Variants in CHRAC1 observed in about 807,000 individuals in gnomAD.
CHRAC1 encodes the protein chromatin accessibility complex subunit 1.
A neutral mutation model predicts 9.1 loss-of-function variants in CHRAC1; 6 were observed. The observed-to-expected ratio is 0.66, with a 90% confidence interval of 0.36 to 1.29. CHRAC1 has a LOEUF of 1.29. Among genes scored for constraint, CHRAC1 ranks in the 50% most tolerant of loss-of-function variants. CHRAC1 has a pLI of 0.03. For synonymous variants in CHRAC1, 73 were observed against 64.5 expected (o/e 1.13, Z -0.63); for missense variants, 168 against 163.5 (o/e 1.03, Z -0.15).
chr8:140,515,059 GA>G (rs985427683), intron 2 of CHRAC1, 66 bp from the exon 3 acceptor site: 31 of 1,486,952 alleles, frequency 2.1e-5, no homozygotes, highest in Non-Finnish European at 2.6e-5. Context: ...AGTACATTTT[GA>G]AATGTGCATT....
At position 140,515,144 on chromosome 8, in the gene CHRAC1, T is replaced by C; in HGVS notation, c.293T>C (p.Ile98Thr). 1 of 1,611,768 alleles carries C rather than the reference T, an allele frequency of 6.2e-7. No homozygotes were observed. The highest frequency in any genetic ancestry group is 2.2e-5 in the East Asian group (1 of 44,862). ...TTTTAAGATATATTACCAAAGAAGA[T>C]TTTAGCTAGTAAATACCTGAAAATG... ...QFLADILPKK[I>T]LASKYLKMLK... The change falls in exon 3 of 3, where the codon ATT becomes ACT. Residue 98 changes from isoleucine to threonine, a missense_variant. Coordinates refer to ENST00000220913, the MANE Select transcript of CHRAC1 (RefSeq NM_017444.6).
chr8:140,511,678 CT>C, intron 1 of CHRAC1, 32 bp downstream of exon 1: 1 of 1,315,746 alleles, frequency 7.6e-7, no homozygotes, highest in Non-Finnish European at 9.7e-7. Flanking sequence ...GTGGGCCGCC[CT>C]TACCCCTCGC....
intron 1 of CHRAC1, chr8:140,512,144 T>C (rs914087906): frequency 4.9e-6 from 3 of 613,750 alleles, no homozygotes; most frequent in Non-Finnish European, 7.4e-6. Context: ...CTAGTGGCGC[T>C]CTTCTCATTT....
intron 1 of CHRAC1, among the ~76,000 whole-genome samples, chr8:140,513,635 C>T (rs1476359814): frequency 2.7e-5 from 4 of 150,836 alleles, no homozygotes; most frequent in Non-Finnish European, 5.9e-5. Flanking sequence ...TTAGTAGAGA[C>T]GGGGTTTCAC....
rs367701294 is a variant in CHRAC1 at position 140,511,508 on chromosome 8, C to T, written c.9C>T (p.Asp3=). 1.1e-4 allele frequency: 154 copies of T among 1,339,918 alleles called. No homozygotes were observed. The highest frequency in any genetic ancestry group is 1.4e-4 in the Non-Finnish European group (141 of 1,035,524). The allele number at this position is 1,339,918 out of a possible 1,614,324, so 83.0% of individuals were successfully genotyped here. The change falls in exon 1 of 3, where the codon GAC becomes GAT. Residue 3 remains aspartate (D), a synonymous_variant. Transcript: ENST00000220913. ...GCGCGACGGGCGGGAAGATGGCGGA[C>T]GTGGTCGTGGGTAAAGACAAGGGCG... MA[D]VVVGKDKGGE...
intron 1 of CHRAC1, 89 bp from the exon 2 acceptor site, chr8:140,514,280 T>A: frequency 7.4e-7 from 1 of 1,355,766 alleles, no homozygotes; most frequent in Non-Finnish European, 1.0e-6. Flanking sequence ...TAAGCCTAAT[T>A]AAGGAATCAA....
At chr8:140,514,763 C>T (rs1273783810) in intron 2 of CHRAC1, 1 of 368,450 alleles carries the variant, frequency 2.7e-6, no homozygotes, top group African/African-American at 2.1e-5. Context: ...CCTTTACTCT[C>T]TACAGGGACC....
rs1405586999 is a variant in CHRAC1, at chr8:140,516,367, C to T, written c.*1120C>T. 6.6e-6 allele frequency: 1 copy of T among 152,184 alleles called. No homozygotes were observed. Among genetic ancestry groups the T allele is most frequent in the African/African-American group, 2.4e-5 (1 of 41,446 alleles). 9.4% of individuals were successfully genotyped at this position (152,184 alleles called of 1,614,324 possible). ...TTCACCATGTTGGCCAGGCTTGTCT[C>T]AAACTCCTAACCTCAACTGATCCAC... On this transcript the variant is annotated 3_prime_UTR_variant, in exon 3 of 3. Transcript: ENST00000220913.
intron 1 of CHRAC1, among the ~76,000 whole-genome samples, chr8:140,513,557 T>C (rs2072303376): frequency 1.3e-5 from 2 of 151,770 alleles, no homozygotes; most frequent in South Asian, 4.2e-4. Context: ...TGCCTCAGCC[T>C]CCCGAGTAGC....
chr8:140,512,860 C>T (rs1180345763), intron 1 of CHRAC1, among the ~76,000 whole-genome samples: 1 of 152,222 alleles, frequency 6.6e-6, no homozygotes, highest in East Asian at 1.9e-4. Context: ...TGGAGTTTCC[C>T]AGGCTGGAGT....
chr8:140,512,960 G>T (rs1350870278), intron 1 of CHRAC1, among the ~76,000 whole-genome samples: 3 of 152,034 alleles, frequency 2.0e-5, no homozygotes, highest in African/African-American at 4.8e-5. Flanking sequence ...GGGATTACAG[G>T]TGCCTGCCAT....
At position 140,516,132 on chromosome 8, in the gene CHRAC1, C is replaced by G. The variant is rs4961323; in HGVS notation, c.*885C>G. 6.6e-6 allele frequency: 1 copy of G among 150,704 alleles called. No individual in the cohort carries two copies. The highest frequency in any genetic ancestry group is 6.6e-5 in the Admixed American group (1 of 15,178). The allele number at this position is 150,704 out of a possible 1,614,324, so 9.3% of individuals were successfully genotyped here. A position where few individuals can be genotyped will look rare whatever the true frequency, so the allele number is the denominator to read the frequency against. On this transcript the variant is annotated 3_prime_UTR_variant, in exon 3 of 3. Coordinates refer to ENST00000220913, the MANE Select transcript of CHRAC1 (RefSeq NM_017444.6). ...TCCACTTAGGGTAAATGTTTGGCTCCTCTCATTTCATTATCTTTTTTTTTT... is the reference window on the plus strand; with the variant it reads ...TCCACTTAGGGTAAATGTTTGGCTCGTCTCATTTCATTATCTTTTTTTTTT...
At chr8:140,511,973 G>T in intron 1 of CHRAC1, 1 of 696,726 alleles carries the variant, frequency 1.4e-6, no homozygotes, top group Non-Finnish European at 2.0e-6. Flanking sequence ...CCTTCGCCCC[G>T]CCCACCCCAC....
At chr8:140,512,758 C>T (rs915376979) in intron 1 of CHRAC1, among the ~76,000 whole-genome samples, 1 of 152,188 alleles carries the variant, frequency 6.6e-6, no homozygotes, top group Non-Finnish European at 1.5e-5. Flanking sequence ...CATCTGGGGA[C>T]ATTTGTATTT....
At chr8:140,511,771 G>A in intron 1 of CHRAC1, 125 bp downstream of exon 1, 2 of 917,740 alleles carry the variant, frequency 2.2e-6, no homozygotes, top group Non-Finnish European at 2.9e-6. Context: ...GCTCGCGCGC[G>A]CCCCGCTGTC....
At chr8:140,511,893 C>A (rs762891262) in intron 1 of CHRAC1, 4 of 906,896 alleles carry the variant, frequency 4.4e-6, no homozygotes, top group Non-Finnish European at 4.8e-6. Context: ...TTCTTCGCCT[C>A]GCCTACCGCG....
rs562228008 is a variant in CHRAC1, at chr8:140,515,379, C to G, written c.*132C>G. On this transcript the variant is annotated 3_prime_UTR_variant, in exon 3 of 3. Transcript: ENST00000220913. ...AGAGTTCCAGTGTGTGGTATTCTTT[C>G]GAGGTATTCTTTCCAGGCCGAGATT... 5 of 952,038 alleles carry G rather than the reference C, an allele frequency of 5.3e-6. No homozygotes were observed. The highest frequency in any genetic ancestry group is 7.8e-6 in the Non-Finnish European group (5 of 638,624). The allele number at this position is 952,038 out of a possible 1,614,324, so 59.0% of individuals were successfully genotyped here. A position where few individuals can be genotyped will look rare whatever the true frequency, so the allele number is the denominator to read the frequency against.
At chr8:140,511,819 C>T in intron 1 of CHRAC1, 173 bp downstream of exon 1, 1 of 793,072 alleles carries the variant, frequency 1.3e-6, no homozygotes, top group South Asian at 1.5e-5. Flanking sequence ...TGCCCGCGCG[C>T]CCCCACACTT....
chr8:140,511,882 T>C (rs769662069), intron 1 of CHRAC1: 7 of 794,412 alleles, frequency 8.8e-6, no homozygotes, highest in South Asian at 8.6e-5. Context: ...CGTTCTCCAG[T>C]TTCTTCGCCT....
Sources: allele counts gnomAD v4.1 joint callset (sites outside exome capture counted in the v4.1 genomes callset), GRCh38; gene constraint gnomAD v4.1.1; transcripts MANE v1.5; gene names NCBI Gene and HGNC (gene_info 2026-07-23, HGNC 2026-07-21).